TECPR1: variants seen among roughly 807,000 people sequenced by gnomAD.
The protein encoded by TECPR1 is tectonin beta-propeller repeat containing 1.
In TECPR1, 122 loss-of-function variants were observed where a neutral mutation model predicts 162.4. The ratio of observed to expected loss-of-function variants is 0.75; its 90% confidence interval spans 0.65 to 0.87. The LOEUF is 0.87. Among genes scored for constraint, TECPR1 ranks in the 40% least tolerant of loss-of-function variants. The pLI is 0.00. For missense variants in TECPR1, 1,432 were observed against 1,618.2 expected (o/e 0.88, Z 1.97); for synonymous variants, 642 against 670.6 (o/e 0.96, Z 0.66).
Position 98,222,396 on chromosome 7 carries a change from C to T in TECPR1, c.3054G>A (p.Ser1018=), listed in dbSNP as rs1237301443. Residue 1018 remains serine, a synonymous_variant, in exon 22 of 26, where the codon TCG becomes TCA. Transcript: ENST00000447648. ...SAFYRGSVYP[S]QPAGDCWYHI... is the part of the protein sequence containing the mutation. ...GGGCGCGGCACTCACCGGCTGGCTG[C>T]GAGGGGTACACGGATCCCCGGTAGA... The T allele has an allele frequency of 6.9e-6, 11 of 1,602,076 alleles. No individual in the cohort carries two copies. Among genetic ancestry groups the T allele is most frequent in the Middle Eastern group, 1.7e-4 (1 of 5,990 alleles).
intron 13 of TECPR1, 127 bp downstream of exon 13, chr7:98,231,675 CTG>C: frequency 9.7e-7 from 1 of 1,033,304 alleles, no homozygotes; most frequent in South Asian, 1.5e-5. Flanking sequence ...ACCCTCATTT[CTG>C]TGTCCCTCCC....
In TECPR1 at chr7:98,215,323, T is replaced by C. The variant is rs903318900; in HGVS notation, c.*2067A>G. On this transcript the variant is annotated 3_prime_UTR_variant, in exon 26 of 26. Coordinates refer to ENST00000447648, the MANE Select transcript of TECPR1 (RefSeq NM_015395.3). ...CGAACGGCCCGTGCCCCCACTGTAA[T>C]TGTGCTGAAAATGTTTCTCAAATGA... 2 of 152,268 alleles carry C rather than the reference T, an allele frequency of 1.3e-5. No homozygotes were observed. The highest frequency in any genetic ancestry group is 2.4e-5 in the African/African-American group (1 of 41,472). 9.4% of individuals were successfully genotyped at this position (152,268 alleles called of 1,614,324 possible). A position where few individuals can be genotyped will look rare whatever the true frequency, so the allele number is the denominator to read the frequency against.
Position 98,232,051 on chromosome 7 carries a change from G to A in TECPR1, c.1819-92C>T. The A allele has an allele frequency of 1.4e-6, 2 of 1,432,046 alleles. No homozygotes were observed. Among genetic ancestry groups the A allele is most frequent in the East Asian group, 2.5e-5 (1 of 40,092 alleles). The allele number at this position is 1,432,046 out of a possible 1,614,324, so 88.7% of individuals were successfully genotyped here. A position where few individuals can be genotyped will look rare whatever the true frequency, so the allele number is the denominator to read the frequency against. On this transcript the variant is annotated intron_variant, in intron 12 of 25. Coordinates refer to ENST00000447648, the MANE Select transcript of TECPR1 (RefSeq NM_015395.3). This position sits in a 1 kb window ranked among gnomAD's most constrained non-coding sequence, Gnocchi z 4.6. ...CTGGGGGTGCCCAGAGGAGGAGGCA[G>A]GGCTGGGGTAGGGCCCACCCAGCAC...
chr7:98,223,746 G>A, intron 19 of TECPR1, 28 bp from the exon 20 acceptor site: 1 of 1,613,182 alleles, frequency 6.2e-7, no homozygotes, highest in Non-Finnish European at 8.5e-7. Context: ...ATGAAATCAG[G>A]GCCACTTCGT....
chr7:98,235,849 A>AAAAAACAAAAACAAAAAAAAAAC lies in TECPR1; in HGVS notation c.1181+926_1181+927insGTTTTTTTTTTGTTTTTGTTTTT. On this transcript the variant is annotated intron_variant, in intron 10 of 25. Coordinates refer to ENST00000447648, the MANE Select transcript of TECPR1 (RefSeq NM_015395.3). Reference sequence around the variant, plus strand: ...TCTCAAAAAAAAAAAAAAAAAAAAAAAACACCATCTGAGCAGACTAAACCC... The same window carrying AAAAAACAAAAACAAAAAAAAAAC: ...TCTCAAAAAAAAAAAAAAAAAAAAAAAAAAACAAAAACAAAAAAAAAACAACACCATCTGAGCAGACTAAACCC... 5.2e-4 allele frequency among the ~76,000 whole-genome samples: 57 copies of AAAAAACAAAAACAAAAAAAAAAC among 110,332 alleles called. 2 individuals are homozygous for AAAAAACAAAAACAAAAAAAAAAC. Among genetic ancestry groups the AAAAAACAAAAACAAAAAAAAAAC allele is most frequent in the African/African-American group, 1.7e-3 (54 of 32,468 alleles). The allele number at this position is 110,332 out of a possible 152,430, so 72.4% of individuals were successfully genotyped here. A position where few individuals can be genotyped will look rare whatever the true frequency, so the allele number is the denominator to read the frequency against.
intron 2 of TECPR1, among the ~76,000 whole-genome samples, chr7:98,247,611 A>G (rs886177932): frequency 6.6e-6 from 1 of 152,196 alleles, no homozygotes; most frequent in South Asian, 2.1e-4. Context: ...CAACGTGACC[A>G]TGTGAATTCA....
intron 20 of TECPR1, among the ~76,000 whole-genome samples, 197 bp downstream of exon 20, chr7:98,223,465 G>A (rs1278559051): frequency 6.6e-6 from 1 of 152,068 alleles, no homozygotes; most frequent in Non-Finnish European, 1.5e-5. Context: ...GAGAGCACCG[G>A]GAGCCTGCGG....
At chr7:98,233,350 C>G (rs1474934557) in intron 11 of TECPR1, 71 bp downstream of exon 11, 6 of 1,391,732 alleles carry the variant, frequency 4.3e-6, no homozygotes, top group African/African-American at 1.5e-5. Flanking sequence ...TGACCCCGGC[C>G]TCCTCCCACA....
At chr7:98,244,493 G>A (rs1798849259) in intron 5 of TECPR1, 78 bp downstream of exon 5, 16 of 1,522,918 alleles carry the variant, frequency 1.1e-5, no homozygotes, top group Non-Finnish European at 5.3e-6. Context: ...ACACAGGTGG[G>A]GAAGGTGGAG....
rs184651006 is a variant in TECPR1 at position 98,237,460 on chromosome 7, A to G, written c.1036-539T>C. Among the ~76,000 whole-genome samples the G allele has an allele frequency of 3.9e-4, 59 of 151,026 alleles. 1 individual carries two copies. The East Asian group carries it at 1.0e-2, about 25-fold the overall frequency. On this transcript the variant is annotated intron_variant, in intron 9 of 25. Transcript: ENST00000447648. Reference sequence around the variant, plus strand: ...AGGCTCCCATCACCACACCCAGCTAAGTTTTGTTTTGTTTTGTTTTGTTTT... The same window carrying G: ...AGGCTCCCATCACCACACCCAGCTAGGTTTTGTTTTGTTTTGTTTTGTTTT...
rs964364797 is a variant in TECPR1 at position 98,223,172 on chromosome 7, T to C, written c.2748-2A>G. 5 of 1,594,056 alleles carry C rather than the reference T, an allele frequency of 3.1e-6. No individual in the cohort carries two copies. The highest frequency in any genetic ancestry group is 4.3e-6 in the Non-Finnish European group (5 of 1,170,774). On this transcript the variant is annotated splice_acceptor_variant, in intron 20 of 25. Coordinates refer to ENST00000447648, the MANE Select transcript of TECPR1 (RefSeq NM_015395.3). LOFTEE classifies it high-confidence loss of function. ...CCACTGGTCACCAGCTTGCATTTTC[T>C]GTACAGTGGAGAGGGGACACAGCCC...
At chr7:98,247,319 T>G (rs1798937930) in intron 2 of TECPR1, among the ~76,000 whole-genome samples, 1 of 151,984 alleles carries the variant, frequency 6.6e-6, no homozygotes, top group Non-Finnish European at 1.5e-5. Flanking sequence ...AAATTTTTTT[T>G]TTGTAGAGAC....
At chr7:98,228,850 A>G in intron 16 of TECPR1, 189 bp downstream of exon 16, 2 of 723,522 alleles carry the variant, frequency 2.8e-6, no homozygotes, top group East Asian at 2.8e-5. Flanking sequence ...CGAGGCCCTC[A>G]GCTCGAAGTG....
In TECPR1 at chr7:98,217,379, G is replaced by GT. The variant is rs749378604; in HGVS notation, c.*10dup. The GT allele has an allele frequency of 6.0e-5, 91 of 1,517,212 alleles. No homozygotes were observed. The East Asian group carries it at 1.8e-3, about 31-fold the overall frequency. 94.0% of individuals were successfully genotyped at this position (1,517,212 alleles called of 1,614,324 possible). On this transcript the variant is annotated 3_prime_UTR_variant, in exon 26 of 26. Transcript: ENST00000447648. ...GGGCACCGTCCCTGCATGTAGGTGT[G>GT]TGGGGGGGCCTCAGCAGCAGACGGG...
At chr7:98,246,270 C>CT (rs36097167) in intron 2 of TECPR1, 105 bp from the exon 3 acceptor site, 125,526 of 560,320 alleles carry the variant, frequency 0.22, 5,249 homozygotes, top group East Asian at 0.33. Context: ...TTCTTTTTCT[C>CT]TTTTTTTTTT....
rs531786316 is a variant in TECPR1, at chr7:98,241,561, C to T, written c.658-317G>A. On this transcript the variant is annotated intron_variant, in intron 6 of 25. Coordinates refer to ENST00000447648, the MANE Select transcript of TECPR1 (RefSeq NM_015395.3). This position sits in a 1 kb window ranked among gnomAD's most constrained non-coding sequence, Gnocchi z 5.0. ...CCGTGTGTCCCATGCCCCCTTGTGG[C>T]GATGTGCTCTCAGGACACCCGGCTC... Among the ~76,000 whole-genome samples the T allele has an allele frequency of 9.2e-5, 14 of 152,292 alleles. No individual in the cohort carries two copies. Among genetic ancestry groups the T allele is most frequent in the African/African-American group, 3.1e-4 (13 of 41,566 alleles).
chr7:98,223,519 C>T, intron 20 of TECPR1, 143 bp downstream of exon 20: 1 of 820,220 alleles, frequency 1.2e-6, no homozygotes, highest in Non-Finnish European at 1.9e-6. Context: ...CTTCCCTCTT[C>T]ACCCTACTCC....
intron 13 of TECPR1, 173 bp downstream of exon 13, chr7:98,231,631 C>CT: frequency 1.2e-6 from 1 of 809,320 alleles, no homozygotes; most frequent in Non-Finnish European, 1.9e-6. Context: ...CCCCCTTCCC[C>CT]GGGCACCCCC....
intron 21 of TECPR1, 172 bp from the exon 22 acceptor site, chr7:98,222,693 C>A: frequency 1.1e-6 from 1 of 897,088 alleles, no homozygotes; most frequent in Non-Finnish European, 1.7e-6. Flanking sequence ...AAATCCTGGG[C>A]GCATCTCATC....
Sources: gnomAD v4.1 joint callset for allele counts (sites outside exome capture counted in the v4.1 genomes callset) on GRCh38, gnomAD v4.1.1 for gene constraint, Gnocchi (gnomAD v3.1) non-coding constraint, MANE v1.5 for transcripts, NCBI Gene and HGNC (gene_info 2026-07-23, HGNC 2026-07-21) for gene names.